PCDHGA3: variants seen among roughly 807,000 people sequenced by gnomAD.
PCDHGA3 encodes protocadherin gamma-A3.
A neutral mutation model predicts 58.5 loss-of-function variants in PCDHGA3; 40 were observed. That is an observed-to-expected ratio of 0.68 (90% CI 0.53 to 0.89). The LOEUF (loss-of-function observed/expected upper bound fraction) is 0.89. Among genes scored for constraint, PCDHGA3 ranks in the 40% least tolerant of loss-of-function variants. PCDHGA3 has a pLI of 0.00. For missense variants in PCDHGA3, 1,223 were observed against 1,195.9 expected (o/e 1.02, Z -0.33); for synonymous variants, 530 against 525.7 (o/e 1.01, Z -0.11).
rs867810670 is a variant in PCDHGA3 at position 141,385,551 on chromosome 5, T to C, written c.2424+39094T>C. 11 of 1,313,528 alleles carry C rather than the reference T, an allele frequency of 8.4e-6. No individual in the cohort carries two copies. The African/African-American group carries it at 9.1e-5, about 11-fold the overall frequency. 81.4% of individuals were successfully genotyped at this position (1,313,528 alleles called of 1,614,324 possible). ...GATTATGAATATGTGGACTATCACA[T>C]TTTATAATTTCCACCTACTTTCCAA... On this transcript the variant is annotated intron_variant, in intron 1 of 3. Transcript: ENST00000253812.
At position 141,384,872 on chromosome 5, in the gene PCDHGA3, T is replaced by A. The variant is rs773444317; in HGVS notation, c.2424+38415T>A. On this transcript the variant is annotated intron_variant, in intron 1 of 3. Coordinates refer to ENST00000253812, the MANE Select transcript of PCDHGA3 (RefSeq NM_018916.4). ...GGTCAGCCTCCTCTGTCAGCCACCG[T>A]CACACTCACCGTGGCTGTGGCTGAC... is the stretch of plus-strand genomic sequence containing the variant. 1.9e-6 allele frequency: 3 copies of A among 1,613,766 alleles called. No individual in the cohort carries two copies. The highest frequency in any genetic ancestry group is 2.5e-6 in the Non-Finnish European group (3 of 1,179,946).
At chr5:141,450,292 C>T (rs1310226132) in intron 1 of PCDHGA3, among the ~76,000 whole-genome samples, 2 of 152,066 alleles carry the variant, frequency 1.3e-5, no homozygotes, top group African/African-American at 2.4e-5. Context: ...GGATTACAGG[C>T]GTGAGCCACC....
At position 141,372,017 on chromosome 5, in the gene PCDHGA3, G is replaced by A. The variant is rs1404745183; in HGVS notation, c.2424+25560G>A. Reference sequence around the variant, plus strand: ...AGGCCCGCGACCAGGGCTCGCCTACGCTCAGCGCCAACGTGAGCCTGCGCG... The same window carrying A: ...AGGCCCGCGACCAGGGCTCGCCTACACTCAGCGCCAACGTGAGCCTGCGCG... On this transcript the variant is annotated intron_variant, in intron 1 of 3. Coordinates refer to ENST00000253812, the MANE Select transcript of PCDHGA3 (RefSeq NM_018916.4). The A allele has an allele frequency of 4.3e-6, 7 of 1,613,220 alleles. No homozygotes were observed. The African/African-American group carries it at 9.3e-5, about 22-fold the overall frequency.
At chr5:141,375,806 G>C (rs1223554303) in intron 1 of PCDHGA3, 1 of 1,614,088 alleles carries the variant, frequency 6.2e-7, no homozygotes, top group African/African-American at 1.3e-5. Context: ...TTCCACTGGC[G>C]TGGAGCTGGC....
intron 1 of PCDHGA3, among the ~76,000 whole-genome samples, chr5:141,459,563 C>CAAAACAGAATT (rs1554142058): frequency 5.3e-5 from 8 of 152,044 alleles, no homozygotes; most frequent in Non-Finnish European, 2.9e-5. Context: ...ATAAATACCC[C>CAAAACAGAATT]AAAACAGAAT....
At position 141,476,105 on chromosome 5, in the gene PCDHGA3, C is replaced by T; in HGVS notation, c.2425-18702C>T. ...ATCTGGACCCCGCTGAGAGGAACTG[C>T]TTTTGAGTGAGATGGTCCCAGAGGC... On this transcript the variant is annotated intron_variant, in intron 1 of 3. Coordinates refer to ENST00000253812, the MANE Select transcript of PCDHGA3 (RefSeq NM_018916.4). This position sits in a 1 kb window ranked among gnomAD's most constrained non-coding sequence, Gnocchi z 7.6. 2.5e-6 allele frequency: 4 copies of T among 1,585,450 alleles called. No homozygotes were observed. The highest frequency in any genetic ancestry group is 3.4e-6 in the Non-Finnish European group (4 of 1,168,874).
At chr5:141,370,664 A>G (rs1369327412) in intron 1 of PCDHGA3, 3 of 1,613,920 alleles carry the variant, frequency 1.9e-6, no homozygotes, top group South Asian at 1.1e-5. Flanking sequence ...GCGACCGTAT[A>G]GACCGAGAGG....
intron 1 of PCDHGA3, chr5:141,409,419 CAGAT>C (rs1303289792): frequency 3.1e-6 from 5 of 1,614,028 alleles, no homozygotes; most frequent in Non-Finnish European, 3.4e-6. Context: ...AAACTGGTGA[CAGAT>C]GGAGCCCTGG....
At chr5:141,451,503 A>G (rs1395798374) in intron 1 of PCDHGA3, among the ~76,000 whole-genome samples, 1 of 152,234 alleles carries the variant, frequency 6.6e-6, no homozygotes, top group African/African-American at 2.4e-5. Flanking sequence ...TAGGGCAACC[A>G]GCTTCTGTTA....
At chr5:141,447,238 C>T (rs1028683423) in intron 1 of PCDHGA3, among the ~76,000 whole-genome samples, 1 of 152,148 alleles carries the variant, frequency 6.6e-6, no homozygotes, top group Non-Finnish European at 1.5e-5. Context: ...CTCCCGGGTT[C>T]AAGTGATTCT....
intron 1 of PCDHGA3, chr5:141,375,485 G>A (rs1478417043): frequency 6.2e-7 from 1 of 1,613,794 alleles, no homozygotes; most frequent in Non-Finnish European, 8.5e-7. Flanking sequence ...CAACCCCAGG[G>A]GTGCCTCCAT....
intron 1 of PCDHGA3, among the ~76,000 whole-genome samples, chr5:141,443,772 C>T (rs1284723564): frequency 6.6e-6 from 1 of 151,568 alleles, no homozygotes; most frequent in Non-Finnish European, 1.5e-5. Context: ...TACAATATTA[C>T]CAAAAAGACA....
chr5:141,364,399 G>C (rs747286948), intron 1 of PCDHGA3: 2 of 1,607,328 alleles, frequency 1.2e-6, no homozygotes, highest in Non-Finnish European at 1.7e-6. Flanking sequence ...TGGGGACGCT[G>C]TGCGAGCCAG....
At position 141,432,370 on chromosome 5, in the gene PCDHGA3, C is replaced by A. The variant is rs1362496624; in HGVS notation, c.2425-62437C>A. On this transcript the variant is annotated intron_variant, in intron 1 of 3. Transcript: ENST00000253812. The surrounding 1 kb of genome is among the most constrained non-coding windows in gnomAD (Gnocchi z 6.0). Reference sequence around the variant, plus strand: ...AAGTGAAAGTGATGGCGCGGGACAACGGGCACCCGCCCCTCAGCAGCAACG... The same window carrying A: ...AAGTGAAAGTGATGGCGCGGGACAAAGGGCACCCGCCCCTCAGCAGCAACG... The A allele has an allele frequency of 6.2e-7, 1 of 1,614,240 alleles. No homozygotes were observed. The highest frequency in any genetic ancestry group is 8.5e-7 in the Non-Finnish European group (1 of 1,180,048).
rs146273580 is a variant in PCDHGA3 at position 141,382,696 on chromosome 5, A to C, written c.2424+36239A>C. 2.9e-3 allele frequency: 1,317 copies of C among 455,920 alleles called. 5 individuals are homozygous for C. The highest frequency in any genetic ancestry group is 2.7e-3 in the Non-Finnish European group (706 of 261,386). 28.2% of individuals were successfully genotyped at this position (455,920 alleles called of 1,614,324 possible). A position where few individuals can be genotyped will look rare whatever the true frequency, so the allele number is the denominator to read the frequency against. ...TCACCAACCAGGGAAAAATGGTGCG[A>C]GAGATCCCACAGAAACCACCGAGTT... On this transcript the variant is annotated intron_variant, in intron 1 of 3. Transcript: ENST00000253812.
At chr5:141,388,278 A>C (rs769879098) in intron 1 of PCDHGA3, 2 of 1,613,384 alleles carry the variant, frequency 1.2e-6, no homozygotes, top group African/African-American at 2.7e-5. Context: ...CCACACGCCA[A>C]AATTCACGCA....
intron 1 of PCDHGA3, chr5:141,387,903 G>A: frequency 6.6e-7 from 1 of 1,506,982 alleles, no homozygotes; most frequent in African/African-American, 1.4e-5. Context: ...CGGCGCCGGG[G>A]AGCTGGGCCG....
intron 1 of PCDHGA3, chr5:141,422,570 A>G: frequency 6.2e-7 from 1 of 1,614,012 alleles, no homozygotes; most frequent in African/African-American, 1.3e-5. Flanking sequence ...GATGACAACG[A>G]TAACCCTCCC....
chr5:141,504,228 C>T lies in PCDHGA3; in HGVS notation c.2484-1165C>T, dbSNP rs114896014. Among the ~76,000 whole-genome samples, 193 of 152,312 alleles carry T rather than the reference C, an allele frequency of 1.3e-3. 1 individual carries two copies. The highest frequency in any genetic ancestry group is 2.1e-3 in the Admixed American group (32 of 15,304). ...AAAATTCCAAGTAGAGCTGAACCTT[C>T]TAAGAAGCAGAGAGTTCTTCTTATG... On this transcript the variant is annotated intron_variant, in intron 2 of 3. Coordinates refer to ENST00000253812, the MANE Select transcript of PCDHGA3 (RefSeq NM_018916.4).
Sources: gnomAD v4.1 joint callset for allele counts (sites outside exome capture counted in the v4.1 genomes callset) on GRCh38, gnomAD v4.1.1 for gene constraint, Gnocchi (gnomAD v3.1) non-coding constraint, MANE v1.5 for transcripts, NCBI Gene and HGNC (gene_info 2026-07-23, HGNC 2026-07-21) for gene names.